The following NCOR1 variants were observed in gnomAD, a reference collection of about 807,000 sequenced individuals.
NCOR1 encodes the protein protein phosphatase 1, regulatory subunit 109.
Under a neutral mutation model 288.1 loss-of-function variants are expected in NCOR1, and 63 were observed. That is an observed-to-expected ratio of 0.22 (90% CI 0.18 to 0.27). The LOEUF is 0.27. Among genes scored for constraint, NCOR1 ranks in the 10% least tolerant of loss-of-function variants. NCOR1 has a pLI of 1.00. For synonymous variants in NCOR1, 1,007 were observed against 1,065.9 expected, an observed-to-expected ratio of 0.94 and a Z score of 1.08; for missense variants, 2,397 against 3,019.2, an observed-to-expected ratio of 0.79 and a Z score of 4.83.
At chr17:16,098,756 A>G in intron 20 of NCOR1, 1 of 228,016 alleles carries the variant, frequency 4.4e-6, no homozygotes, top group Non-Finnish European at 8.4e-6. Flanking sequence ...AAAGATTACC[A>G]TGGCCCCTGT....
intron 4 of NCOR1, among the ~76,000 whole-genome samples, chr17:16,166,631 G>A (rs1203625857): frequency 1.3e-5 from 2 of 151,842 alleles, no homozygotes; most frequent in African/African-American, 4.8e-5. Flanking sequence ...AGTGAGCTGA[G>A]ATTGCACTAC....
chr17:16,151,003 GCA>G (rs2078754983), intron 8 of NCOR1, among the ~76,000 whole-genome samples: 1 of 151,158 alleles, frequency 6.6e-6, no homozygotes, highest in South Asian at 2.1e-4. Flanking sequence ...GTCAATAATT[GCA>G]CATACTCTCA....
intron 1 of NCOR1, 25 bp downstream of exon 1, chr17:16,215,337 G>C (rs76607790): frequency 1.3e-5 from 5 of 392,190 alleles, no homozygotes; most frequent in Non-Finnish European, 1.8e-5. Flanking sequence ...GGAGGCCGGG[G>C]TTGCAGGCGC....
rs141263062 is a variant in NCOR1, at chr17:16,130,902, T to C, written c.1510-4696A>G. Among the ~76,000 whole-genome samples, 1,140 of 151,966 alleles carry C rather than the reference T, an allele frequency of 7.5e-3. 18 individuals carry two copies. The highest frequency in any genetic ancestry group is 0.049 in the East Asian group (252 of 5,160). On this transcript the variant is annotated intron_variant, in intron 14 of 45. Transcript: ENST00000268712. ...TGAGGTTTCACCATGTTGCCCAGGCTGGTCTCAAATTCCTAGGCTCAAGTG... is the reference window on the plus strand; with the variant it reads ...TGAGGTTTCACCATGTTGCCCAGGCCGGTCTCAAATTCCTAGGCTCAAGTG...
intron 40 of NCOR1, among the ~76,000 whole-genome samples, chr17:16,052,091 C>T (rs2059387922): frequency 6.6e-6 from 1 of 151,984 alleles, no homozygotes; most frequent in African/African-American, 2.4e-5. Flanking sequence ...TCACTGCAAG[C>T]TCCGCCTCCC....
At chr17:16,098,702 T>TC (rs2152977478) in intron 20 of NCOR1, 1 of 384,100 alleles carries the variant, frequency 2.6e-6, no homozygotes, top group East Asian at 4.7e-5. Flanking sequence ...AAACTGAATA[T>TC]CGTACTCACT....
rs373750995 is a variant in NCOR1 at position 16,061,636 on chromosome 17, G to A, written c.5646C>T (p.Tyr1882=). The A allele has an allele frequency of 4.3e-6, 7 of 1,614,092 alleles. No homozygotes were observed. Among genetic ancestry groups the A allele is most frequent in the African/African-American group, 2.7e-5 (2 of 74,938 alleles). Residue 1882 remains tyrosine (Y), a synonymous_variant, in exon 37 of 46, where the codon TAC becomes TAT. Coordinates refer to ENST00000268712, the MANE Select transcript of NCOR1 (RefSeq NM_006311.4). The part of the protein sequence containing the change: ...EVEKRSVQCL[Y]TSSAFPSGKP... ...TGCCACTTGGAAAGGCTGAAGAAGT[G>A]TATAAACACTGAACAGATCTCTTCT...
chr17:16,061,449 T>C lies in NCOR1; in HGVS notation c.5833A>G (p.Lys1945Glu). The C allele has an allele frequency of 1.2e-6, 2 of 1,614,228 alleles. No homozygotes were observed. Among genetic ancestry groups the C allele is most frequent in the Admixed American group, 1.7e-5 (1 of 60,030 alleles). ...TGAGAGCCACGTTCCCTCGCATCCT[T>C]GTCCGAGGCAATTTGCCGGGTGATG... is the stretch of plus-strand genomic sequence containing the variant. ...VIITRQIASD[K>E]DARERGSQSS... is the part of the protein sequence containing the mutation. The change falls in exon 37 of 46, where the codon AAG becomes GAG. Residue 1945 changes from lysine to glutamate, a missense_variant. Physicochemically the swap from Lys to Glu is moderately conservative, Grantham distance 56. Transcript: ENST00000268712.
At chr17:16,060,099 C>G (rs995147673) in intron 37 of NCOR1, among the ~76,000 whole-genome samples, 7 of 152,194 alleles carry the variant, frequency 4.6e-5, no homozygotes, top group African/African-American at 1.7e-4. Flanking sequence ...AGGGGCAAGA[C>G]TATGGCAATG....
chr17:16,088,841 A>G (rs1381749925), intron 22 of NCOR1, among the ~76,000 whole-genome samples: 2 of 152,270 alleles, frequency 1.3e-5, no homozygotes, highest in Non-Finnish European at 2.9e-5. Context: ...CCACAGTGCA[A>G]TAGTGTCTCA....
chr17:16,159,851 T>G (rs991371800), intron 5 of NCOR1, among the ~76,000 whole-genome samples: 3 of 151,884 alleles, frequency 2.0e-5, no homozygotes, highest in Admixed American at 1.3e-4. Flanking sequence ...CTTTTTTTTT[T>G]TTTTTGAGAT....
intron 32 of NCOR1, among the ~76,000 whole-genome samples, chr17:16,066,877 T>G (rs2061178887): frequency 6.6e-6 from 1 of 152,220 alleles, no homozygotes; most frequent in Non-Finnish European, 1.5e-5. Context: ...AAAATTCTTC[T>G]CTAAGGACCA....
At chr17:16,142,825 T>C (rs935240725) in intron 11 of NCOR1, among the ~76,000 whole-genome samples, 1 of 152,168 alleles carries the variant, frequency 6.6e-6, no homozygotes, top group Non-Finnish European at 1.5e-5. Context: ...GTCAAACATA[T>C]ACCTTGGTCT....
intron 1 of NCOR1, among the ~76,000 whole-genome samples, chr17:16,204,069 T>C (rs996495426): frequency 2.6e-5 from 4 of 152,126 alleles, no homozygotes; most frequent in African/African-American, 9.7e-5. Flanking sequence ...TATAAAATGA[T>C]AGTAATTTAA....
At chr17:16,144,750 C>T (rs1025044784) in intron 10 of NCOR1, among the ~76,000 whole-genome samples, 1 of 151,926 alleles carries the variant, frequency 6.6e-6, no homozygotes, top group African/African-American at 2.4e-5. Flanking sequence ...CCGCTTCTCC[C>T]GCTTTCCACG....
rs1396744288 is a variant in NCOR1, at chr17:16,070,357, C to T, written c.4321G>A (p.Gly1441Ser). The change falls in exon 31 of 46, where the codon GGC becomes AGC. Residue 1441 changes from glycine to serine, a missense_variant. Transcript: ENST00000268712. The part of the protein sequence containing the change: ...ERGKYEDVKA[G>S]ETVRSRHTSV... ...GTGTGCCGGGAACGCACGGTCTCGC[C>T]TGCTTTCACATCCTCATATTTTCCC... 3.7e-6 allele frequency: 6 copies of T among 1,614,048 alleles called. No individual in the cohort carries two copies. The Admixed American group carries it at 6.7e-5, about 18-fold the overall frequency.
At chr17:16,048,801 C>A in intron 41 of NCOR1, 44 bp downstream of exon 41, 1 of 1,516,292 alleles carries the variant, frequency 6.6e-7, no homozygotes, top group Non-Finnish European at 8.9e-7. Flanking sequence ...AAAGCATGAG[C>A]ACCCACGCCA....
At chr17:16,140,694 G>A (rs2077018358) in intron 11 of NCOR1, among the ~76,000 whole-genome samples, 1 of 152,108 alleles carries the variant, frequency 6.6e-6, no homozygotes, top group Non-Finnish European at 1.5e-5. Flanking sequence ...TGTGCCTGTA[G>A]TCCCTGCTAC....
intron 32 of NCOR1, 143 bp downstream of exon 32, chr17:16,067,751 G>T: frequency 1.3e-6 from 1 of 778,268 alleles, no homozygotes; most frequent in Non-Finnish European, 1.9e-6. Flanking sequence ...TGGTAACATG[G>T]GAGAATTTAG....
Sources: gnomAD v4.1 joint callset for allele counts (sites outside exome capture counted in the v4.1 genomes callset) on GRCh38, gnomAD v4.1.1 for gene constraint, MANE v1.5 for transcripts, NCBI Gene and HGNC (gene_info 2026-07-23, HGNC 2026-07-21) for gene names.